Variants in LYPLA1 observed in about 807,000 individuals in gnomAD.
LYPLA1 encodes lysophospholipase 1, also known as acyl-protein thioesterase 1.
In LYPLA1, 17 loss-of-function variants were observed where a neutral mutation model predicts 34.0. The ratio of observed to expected loss-of-function variants is 0.50; its 90% CI spans 0.34 to 0.75. The LOEUF is 0.75. Among genes scored for constraint, LYPLA1 ranks in the 30% least tolerant of loss-of-function variants. The pLI is 0.01. For missense variants in LYPLA1, 203 were observed against 288.8 expected, an observed-to-expected ratio of 0.70 and a Z score of 2.15; for synonymous variants, 98 against 100.8, an observed-to-expected ratio of 0.97 and a Z score of 0.17.
At chr8:54,064,342 G>T (rs764572971) in intron 3 of LYPLA1, among the ~76,000 whole-genome samples, 1 of 152,060 alleles carries the variant, frequency 6.6e-6, no homozygotes, top group Non-Finnish European at 1.5e-5. Context: ...GCATGAACCC[G>T]GGAGGCAGAG....
chr8:54,066,770 G>A (rs191217161), intron 2 of LYPLA1, among the ~76,000 whole-genome samples: 223 of 150,282 alleles, frequency 1.5e-3, no homozygotes, highest in African/African-American at 4.1e-3. Flanking sequence ...AACAGAGCGA[G>A]ACTCCATCTC....
At chr8:54,052,484 C>T (rs1805912321) in intron 7 of LYPLA1, among the ~76,000 whole-genome samples, 171 bp downstream of exon 7, 1 of 151,948 alleles carries the variant, frequency 6.6e-6, no homozygotes, top group Non-Finnish European at 1.5e-5. Flanking sequence ...TGTGTGGGGA[C>T]AGGAGGTAGA....
At chr8:54,101,150 G>C (rs1810110165) in intron 1 of LYPLA1, among the ~76,000 whole-genome samples, 1 of 151,222 alleles carries the variant, frequency 6.6e-6, no homozygotes, top group South Asian at 2.1e-4. Context: ...ATGAATGGGG[G>C]GGGGGTAGCA....
intron 5 of LYPLA1, among the ~76,000 whole-genome samples, chr8:54,061,149 C>T (rs1392809045): frequency 1.3e-5 from 2 of 151,810 alleles, no homozygotes; most frequent in African/African-American, 2.4e-5. Context: ...GGCGCAATCT[C>T]GGCTCACTGA....
At chr8:54,066,322 C>T (rs1807066920) in intron 2 of LYPLA1, among the ~76,000 whole-genome samples, 1 of 152,116 alleles carries the variant, frequency 6.6e-6, no homozygotes. Context: ...TTAAGTTTTA[C>T]CTAGGGATAA....
At chr8:54,048,647 C>CCT (rs1426352219) in intron 8 of LYPLA1, among the ~76,000 whole-genome samples, 1 of 152,154 alleles carries the variant, frequency 6.6e-6, no homozygotes, top group African/African-American at 2.4e-5. Context: ...GAAACTTTCT[C>CCT]CTCTTAGCCT....
chr8:54,076,835 A>G (rs1332641121), intron 2 of LYPLA1, among the ~76,000 whole-genome samples: 2 of 152,052 alleles, frequency 1.3e-5, no homozygotes, highest in African/African-American at 4.8e-5. Flanking sequence ...TATAGAAACA[A>G]TGCTAATGAC....
At chr8:54,051,724 C>T (rs1332524105) in intron 7 of LYPLA1, among the ~76,000 whole-genome samples, 1 of 152,206 alleles carries the variant, frequency 6.6e-6, no homozygotes, top group Non-Finnish European at 1.5e-5. Context: ...GCTGGGATTA[C>T]AGGCGTGAGC....
At chr8:54,070,692 C>T (rs888567317) in intron 2 of LYPLA1, among the ~76,000 whole-genome samples, 4 of 152,180 alleles carry the variant, frequency 2.6e-5, no homozygotes, top group African/African-American at 7.2e-5. Flanking sequence ...CACTGTACTC[C>T]AGCCTGGGCG....
At chr8:54,052,331 A>T (rs929333003) in intron 7 of LYPLA1, among the ~76,000 whole-genome samples, 8 of 152,172 alleles carry the variant, frequency 5.3e-5, no homozygotes, top group Non-Finnish European at 5.9e-5. Context: ...ATACATCACA[A>T]AAGTCTAAGA....
At chr8:54,093,669 T>C (rs946127738) in intron 2 of LYPLA1, among the ~76,000 whole-genome samples, 24 of 152,244 alleles carry the variant, frequency 1.6e-4, no homozygotes, top group Admixed American at 5.2e-4. Flanking sequence ...GCTCCTCGTA[T>C]GTCTCACCCT....
At chr8:54,081,217 C>G (rs1196830785) in intron 2 of LYPLA1, among the ~76,000 whole-genome samples, 1 of 152,106 alleles carries the variant, frequency 6.6e-6, no homozygotes, top group East Asian at 1.9e-4. Flanking sequence ...TAAATTTTGA[C>G]TATTTGTGGC....
At chr8:54,063,458 G>GGCGACCCC in intron 3 of LYPLA1, 83 bp from the exon 4 acceptor site, 1 of 796,218 alleles carries the variant, frequency 1.3e-6, no homozygotes, top group Non-Finnish European at 2.0e-6. Flanking sequence ...ACAGATAATT[G>GGCGACCCC]CTTGAGACCT....
At chr8:54,098,301 G>A (rs1809846282) in intron 2 of LYPLA1, among the ~76,000 whole-genome samples, 1 of 152,156 alleles carries the variant, frequency 6.6e-6, no homozygotes, top group Non-Finnish European at 1.5e-5. Context: ...GATGGTGAAT[G>A]GATATAGCAT....
Position 54,074,386 on chromosome 8 carries a change from G to A in LYPLA1, c.102-8573C>T, listed in dbSNP as rs149892416. On this transcript the variant is annotated intron_variant, in intron 2 of 8. Transcript: ENST00000316963. ...GCAGCCTGCTAAGCATTCTTCATACGTGGTTCATTCCACACAGTTAATTGA... is the reference window on the plus strand; with the variant it reads ...GCAGCCTGCTAAGCATTCTTCATACATGGTTCATTCCACACAGTTAATTGA... 1.9e-3 allele frequency among the ~76,000 whole-genome samples: 290 copies of A among 152,246 alleles called. 3 individuals carry two copies. Among genetic ancestry groups the A allele is most frequent in the African/African-American group, 6.6e-3 (276 of 41,530 alleles).
chr8:54,062,135 GGCGTGA>G (rs1806679938), intron 5 of LYPLA1, 113 bp downstream of exon 5: 3 of 674,662 alleles, frequency 4.4e-6, no homozygotes. Flanking sequence ...TGGGATTACA[GGCGTGA>G]GCCACCGTGC....
chr8:54,085,736 G>A (rs934296547), intron 2 of LYPLA1, among the ~76,000 whole-genome samples: 3 of 149,416 alleles, frequency 2.0e-5, no homozygotes, highest in African/African-American at 7.3e-5. Flanking sequence ...GAGCCCCTCC[G>A]CCCGGCCAGC....
rs1460070075 is a variant in LYPLA1 at position 54,085,812 on chromosome 8, G to C, written c.101+15096C>G. Among the ~76,000 whole-genome samples, 18 of 144,084 alleles carry C rather than the reference G, an allele frequency of 1.2e-4. No homozygotes were observed. The East Asian group carries it at 3.2e-3, about 26-fold the overall frequency. 94.5% of individuals were successfully genotyped at this position (144,084 alleles called of 152,430 possible). On this transcript the variant is annotated intron_variant, in intron 2 of 8. Coordinates refer to ENST00000316963, the MANE Select transcript of LYPLA1 (RefSeq NM_006330.4). Reference sequence around the variant, plus strand: ...CAGCCGCCCCGTCCGCGAGGTGGGGGGGGGGCAGCCCCCGGCCGGCCAGCC... The same window carrying C: ...CAGCCGCCCCGTCCGCGAGGTGGGGCGGGGGCAGCCCCCGGCCGGCCAGCC...
At chr8:54,088,850 T>A (rs187583759) in intron 2 of LYPLA1, among the ~76,000 whole-genome samples, 10 of 152,330 alleles carry the variant, frequency 6.6e-5, no homozygotes, top group Non-Finnish European at 1.3e-4. Context: ...TAGCTGAGAC[T>A]ACAGGTGCAT....
Sources: gnomAD v4.1 joint callset for allele counts (sites outside exome capture counted in the v4.1 genomes callset) on GRCh38, gnomAD v4.1.1 for gene constraint, MANE v1.5 for transcripts, NCBI Gene and HGNC (gene_info 2026-07-23, HGNC 2026-07-21) for gene names.